Variants in SYNE1 observed in about 807,000 individuals in gnomAD.
SYNE1 encodes the protein spectrin repeat containing nuclear envelope protein 1.
Under a neutral mutation model 1,111.0 loss-of-function variants are expected in SYNE1, and 616 were observed. That is an observed-to-expected ratio of 0.55 (90% CI 0.52 to 0.59). The LOEUF (loss-of-function observed/expected upper bound fraction) is 0.59. Among genes scored for constraint, SYNE1 ranks in the 20% least tolerant of loss-of-function variants. The pLI is 0.00. For synonymous variants in SYNE1, 3,855 were observed against 3,825.8 expected, an observed-to-expected ratio of 1.01 and a Z score of -0.28; for missense variants, 10,006 against 10,417.0, an observed-to-expected ratio of 0.96 and a Z score of 1.72.
chr6:152,266,223 T>C (rs1033069113), intron 100 of SYNE1, among the ~76,000 whole-genome samples: 1 of 152,142 alleles, frequency 6.6e-6, no homozygotes, highest in Non-Finnish European at 1.5e-5. Flanking sequence ...TTGTTTGTAT[T>C]TCATTTAGGT....
intron 3 of SYNE1, among the ~76,000 whole-genome samples, chr6:152,553,149 TAA>T (rs1451294249): frequency 6.6e-6 from 1 of 152,148 alleles, no homozygotes; most frequent in Non-Finnish European, 1.5e-5. Context: ...ATTTTACATG[TAA>T]AGAGACTGGA....
intron 111 of SYNE1, 100 bp from the exon 112 acceptor site, chr6:152,234,063 C>T: frequency 8.1e-7 from 1 of 1,235,688 alleles, no homozygotes; most frequent in South Asian, 1.3e-5. Flanking sequence ...CCTTTACATC[C>T]TGGAGGGGGT....
chr6:152,358,199 T>C (rs1334392779), intron 66 of SYNE1, among the ~76,000 whole-genome samples, 174 bp downstream of exon 66: 1 of 152,236 alleles, frequency 6.6e-6, no homozygotes, highest in Non-Finnish European at 1.5e-5. Flanking sequence ...TGATGTCAAC[T>C]AGCGCATACT....
chr6:152,636,087 A>T (rs947897420), intron 2 of SYNE1, among the ~76,000 whole-genome samples: 4 of 152,136 alleles, frequency 2.6e-5, no homozygotes, highest in African/African-American at 9.7e-5. Flanking sequence ...TAAAGAGGAG[A>T]CGAAAGTTCT....
chr6:152,250,041 T>C (rs2153595179), intron 104 of SYNE1, among the ~76,000 whole-genome samples: 1 of 152,100 alleles, frequency 6.6e-6, no homozygotes, highest in Middle Eastern at 3.4e-3. Context: ...CTGAGGCAGA[T>C]CACTTGAGGC....
chr6:152,460,987 A>AT (rs2098730535), intron 21 of SYNE1, among the ~76,000 whole-genome samples: 1 of 151,630 alleles, frequency 6.6e-6, no homozygotes, highest in East Asian at 1.9e-4. Context: ...TAATTTTTGT[A>AT]TTTTTAAGTA....
intron 55 of SYNE1, among the ~76,000 whole-genome samples, chr6:152,383,080 C>T (rs1016088732): frequency 3.9e-5 from 6 of 152,136 alleles, no homozygotes; most frequent in African/African-American, 1.4e-4. Context: ...TGTATTTCCT[C>T]CAAGGTTTTT....
At chr6:152,129,166 C>A (rs1037648727) in intron 145 of SYNE1, 1 of 152,132 alleles carries the variant, frequency 6.6e-6, no homozygotes, top group Non-Finnish European at 1.5e-5. Flanking sequence ...ACGATGCCTT[C>A]GACATTTTCA....
rs904353905 is a variant in SYNE1 at position 152,325,287 on chromosome 6, C to A, written c.15454G>T (p.Val5152Phe). 2.5e-6 allele frequency: 4 copies of A among 1,614,014 alleles called. No individual in the cohort carries two copies. The African/African-American group carries it at 5.3e-5, about 22-fold the overall frequency. ...ACAATTTTCTCATGGAAAGAGTTAA[C>A]CACTGACACTAAAGCCTAGGGTTGG... ...LSEHKALVSV[V>F]NSFHEKIVAL... The change falls in exon 81 of 146, where the codon GTT becomes TTT. Residue 5152 changes from valine to phenylalanine, a missense_variant. Coordinates refer to ENST00000367255, the MANE Select transcript of SYNE1 (RefSeq NM_182961.4).
intron 3 of SYNE1, among the ~76,000 whole-genome samples, chr6:152,616,629 T>C (rs1369873374): frequency 6.6e-6 from 1 of 151,994 alleles, no homozygotes; most frequent in African/African-American, 2.4e-5. Flanking sequence ...CAAGGGAGCA[T>C]TGAGATGAGG....
chr6:152,397,293 T>C (rs2097749817), intron 49 of SYNE1, among the ~76,000 whole-genome samples: 1 of 152,160 alleles, frequency 6.6e-6, no homozygotes, highest in Non-Finnish European at 1.5e-5. Flanking sequence ...TCTCTCAGGG[T>C]TCATGTGAGA....
chr6:152,306,906 A>G, intron 91 of SYNE1, among the ~76,000 whole-genome samples: 1 of 127,502 alleles, frequency 7.8e-6, no homozygotes, highest in South Asian at 2.7e-4. Flanking sequence ...TGTGTCTCAA[A>G]AAAAAAAAAA....
chr6:152,201,714 G>A (rs1309805570), intron 127 of SYNE1, 110 bp downstream of exon 127: 4 of 1,520,242 alleles, frequency 2.6e-6, no homozygotes, highest in Non-Finnish European at 3.6e-6. Context: ...CATATACTAG[G>A]ATCTTGTATC....
At chr6:152,269,414 C>A in intron 98 of SYNE1, 128 bp from the exon 99 acceptor site, 16 of 1,364,138 alleles carry the variant, frequency 1.2e-5, no homozygotes, top group Non-Finnish European at 1.4e-5. Context: ...TGTGAAACCA[C>A]ATTTTTTAAA....
At position 152,326,638 on chromosome 6, in the gene SYNE1, A is replaced by AAAACAGCAATTGC. The variant is rs750042374; in HGVS notation, c.14956-18_14956-6dup. The AAAACAGCAATTGC allele has an allele frequency of 1.2e-6, 2 of 1,612,506 alleles. No homozygotes were observed. Among genetic ancestry groups the AAAACAGCAATTGC allele is most frequent in the South Asian group, 2.2e-5 (2 of 90,942 alleles). ...ATATATTTCAGTCAAGGTAGCCTGAAAAACAGCAATTGCAAACATAATCAA... is the reference window on the plus strand; with the variant it reads ...ATATATTTCAGTCAAGGTAGCCTGAAAAACAGCAATTGCAAACAGCAATTGCAAACATAATCAA... On this transcript the variant is annotated splice_region_variant and splice_polypyrimidine_tract_variant and intron_variant, in intron 78 of 145. Coordinates refer to ENST00000367255, the MANE Select transcript of SYNE1 (RefSeq NM_182961.4).
intron 8 of SYNE1, 78 bp downstream of exon 8, chr6:152,510,115 A>G: frequency 5.0e-6 from 7 of 1,400,934 alleles, no homozygotes; most frequent in South Asian, 1.2e-5. Context: ...CACATTTCGC[A>G]ATCATTAGAA....
rs749115727 is a variant in SYNE1 at position 152,427,775 on chromosome 6, C to T, written c.5018G>A (p.Arg1673Gln). ...ELSSFLTWLE[R>Q]GEAKASSPEM... ...TGGGGAACTGGCTTTAGCTTCACCCCGCTCTAACCAGGTCAAAAAGGATGA... is the reference window on the plus strand; with the variant it reads ...TGGGGAACTGGCTTTAGCTTCACCCTGCTCTAACCAGGTCAAAAAGGATGA... Residue 1673 changes from arginine to glutamine, a missense_variant, in exon 38 of 146, where the codon CGG becomes CAG. Physicochemically the swap from Arg to Gln is conservative, Grantham distance 43. Coordinates refer to ENST00000367255, the MANE Select transcript of SYNE1 (RefSeq NM_182961.4). The T allele has an allele frequency of 2.7e-5, 43 of 1,613,970 alleles. No homozygotes were observed. In the Admixed American group the frequency reaches 2.8e-4, roughly 11 times the overall value.
At chr6:152,290,355 G>C (rs1054381760) in intron 95 of SYNE1, among the ~76,000 whole-genome samples, 1 of 152,086 alleles carries the variant, frequency 6.6e-6, no homozygotes, top group South Asian at 2.1e-4. Flanking sequence ...TCAGGAGTTC[G>C]AGACCAGCCT....
chr6:152,363,338 C>CA (rs1464553462), intron 63 of SYNE1, among the ~76,000 whole-genome samples: 11 of 148,196 alleles, frequency 7.4e-5, no homozygotes, highest in South Asian at 2.1e-4. Context: ...ACTAAAAATA[C>CA]AAAAAATTAG....
Sources: gnomAD v4.1 joint callset for allele counts (sites outside exome capture counted in the v4.1 genomes callset) on GRCh38, gnomAD v4.1.1 for gene constraint, MANE v1.5 for transcripts, NCBI Gene and HGNC (gene_info 2026-07-23, HGNC 2026-07-21) for gene names.